Variants in PTAFR observed in about 807,000 individuals in gnomAD.
PTAFR encodes platelet activating factor receptor.
A neutral mutation model predicts 14.7 loss-of-function variants in PTAFR; 8 were observed. That is an observed-to-expected ratio of 0.54 (90% CI 0.32 to 0.98). The LOEUF (loss-of-function observed/expected upper bound fraction) is 0.98, where lower values mean the gene tolerates loss of function less well. Ranked by LOEUF, PTAFR falls within the 50% of genes least tolerant of loss-of-function variation. The pLI, the probability that PTAFR is intolerant of heterozygous loss-of-function variation, is 0.04. For synonymous variants in PTAFR, 156 were observed against 176.5 expected, an observed-to-expected ratio of 0.88 and a Z score of 0.92; for missense variants, 337 against 451.2, an observed-to-expected ratio of 0.75 and a Z score of 2.29.
intron 1 of PTAFR, among the ~76,000 whole-genome samples, chr1:28,190,406 C>T (rs1646642872): frequency 6.6e-6 from 1 of 152,138 alleles, no homozygotes; most frequent in Non-Finnish European, 1.5e-5. Context: ...ACACAGGAGG[C>T]TTCTATTACA....
At chr1:28,189,854 C>T (rs1646638060) in intron 1 of PTAFR, among the ~76,000 whole-genome samples, 1 of 151,838 alleles carries the variant, frequency 6.6e-6, no homozygotes, top group East Asian at 2.0e-4. Context: ...TTTGTAGAGA[C>T]AGGGTTTCAC....
chr1:28,164,007 G>A (rs1420593870), intron 1 of PTAFR, among the ~76,000 whole-genome samples: 1 of 152,254 alleles, frequency 6.6e-6, no homozygotes, highest in Non-Finnish European at 1.5e-5. Context: ...TCATGAGACA[G>A]AAGAATTCTG....
upstream of PTAFR, among the ~76,000 whole-genome samples, chr1:28,179,009 G>A (rs887215580): frequency 2.0e-5 from 3 of 151,482 alleles, no homozygotes; most frequent in African/African-American, 4.9e-5. Context: ...AAAAAAAAAA[G>A]AAAAGAAACA....
chr1:28,184,467 C>A (rs1337744218), intron 1 of PTAFR, among the ~76,000 whole-genome samples: 1 of 152,062 alleles, frequency 6.6e-6, no homozygotes, highest in Non-Finnish European at 1.5e-5. Context: ...CTGCTCAAAG[C>A]CCCCCAGGGC....
In PTAFR at chr1:28,149,868, C is replaced by T. The variant is rs1336501518; in HGVS notation, c.*125G>A. ...ATCATCCCTGCCCAGGTGAGGTAGCCTCCAAATCTAATGGCCCACCAGTGC... is the reference window on the plus strand; with the variant it reads ...ATCATCCCTGCCCAGGTGAGGTAGCTTCCAAATCTAATGGCCCACCAGTGC... On this transcript the variant is annotated 3_prime_UTR_variant, in exon 2 of 2. Transcript: ENST00000373857. 7.7e-7 allele frequency: 1 copy of T among 1,306,344 alleles called. No homozygotes were observed. Among genetic ancestry groups the T allele is most frequent in the Non-Finnish European group, 1.0e-6 (1 of 954,994 alleles). 80.9% of individuals were successfully genotyped at this position (1,306,344 alleles called of 1,614,324 possible). A position where few individuals can be genotyped will look rare whatever the true frequency, so the allele number is the denominator to read the frequency against.
At chr1:28,180,667 C>G (rs1195362877), upstream of PTAFR, among the ~76,000 whole-genome samples, 8 of 152,020 alleles carry the variant, frequency 5.3e-5, no homozygotes, top group Admixed American at 5.3e-4. Context: ...ACAGACATAC[C>G]TGAGAAAATC....
At position 28,182,510 on chromosome 1, in the gene PTAFR, C is replaced by T. The variant is rs1646570477; in HGVS notation, c.-39+11212G>A. Among the ~76,000 whole-genome samples, 3 of 151,554 alleles carry T rather than the reference C, an allele frequency of 2.0e-5. No homozygotes were observed. In the South Asian group the frequency reaches 6.3e-4, roughly 32 times the overall value. On this transcript the variant is annotated intron_variant, in intron 1 of 1. Coordinates refer to the PTAFR transcript ENST00000305392. The stretch of plus-strand genomic sequence containing the variant: ...ACAACATAGCCAGACTCCATCTTTA[C>T]AAAAACTTTTTAAAATTCGCTGCAG...
chr1:28,169,770 C>T (rs190945759), intron 1 of PTAFR, among the ~76,000 whole-genome samples: 75 of 152,226 alleles, frequency 4.9e-4, no homozygotes, highest in African/African-American at 1.8e-3. Context: ...GAGGCCAAGG[C>T]GGGCAGATCA....
chr1:28,180,921 G>A (rs991420084), upstream of PTAFR, among the ~76,000 whole-genome samples: 29 of 151,674 alleles, frequency 1.9e-4, no homozygotes, highest in African/African-American at 7.0e-4. Flanking sequence ...GGAGAGAGGG[G>A]AGAAATAGAA....
intron 1 of PTAFR, among the ~76,000 whole-genome samples, chr1:28,155,158 C>A (rs553806031): frequency 1.6e-4 from 25 of 152,244 alleles, no homozygotes; most frequent in East Asian, 1.9e-4. Flanking sequence ...CCACAATACC[C>A]ATCTTGCTGT....
chr1:28,183,355 G>A (rs896994571), intron 1 of PTAFR, among the ~76,000 whole-genome samples: 11 of 152,072 alleles, frequency 7.2e-5, no homozygotes, highest in African/African-American at 2.2e-4. Context: ...ATAAAATAAC[G>A]AGCTATTGCC....
upstream of PTAFR, among the ~76,000 whole-genome samples, chr1:28,178,820 G>A (rs187028364): frequency 3.3e-3 from 495 of 151,906 alleles, 1 homozygote; most frequent in Non-Finnish European, 5.6e-3. Flanking sequence ...GAGTTCATGC[G>A]TCCATACTGC....
At chr1:28,165,265 C>G in intron 1 of PTAFR, among the ~76,000 whole-genome samples, 1 of 151,122 alleles carries the variant, frequency 6.6e-6, no homozygotes, top group Non-Finnish European at 1.5e-5. Flanking sequence ...ATTAGCTGGG[C>G]GTGGTGGCGC....
chr1:28,154,212 C>T (rs1404455249), intron 1 of PTAFR, among the ~76,000 whole-genome samples: 1 of 151,830 alleles, frequency 6.6e-6, no homozygotes, highest in Non-Finnish European at 1.5e-5. Context: ...CACACAAACA[C>T]TTTGCCATAG....
chr1:28,176,318 C>T (rs578195553), intron 1 of PTAFR, among the ~76,000 whole-genome samples: 31 of 151,940 alleles, frequency 2.0e-4, no homozygotes, highest in Non-Finnish European at 4.1e-4. Context: ...TAGAGCATGC[C>T]TCTAGTCCCA....
At chr1:28,180,250 C>T (rs1253503770), upstream of PTAFR, among the ~76,000 whole-genome samples, 7 of 152,104 alleles carry the variant, frequency 4.6e-5, no homozygotes, top group East Asian at 1.3e-3. Flanking sequence ...CATGGTGGCT[C>T]ACGCCTGTAA....
intron 1 of PTAFR, among the ~76,000 whole-genome samples, chr1:28,171,024 A>T (rs1572041309): frequency 6.7e-6 from 1 of 150,176 alleles, no homozygotes; most frequent in Non-Finnish European, 1.5e-5. Flanking sequence ...TAATAAATAA[A>T]TAATTAATAC....
At position 28,150,390 on chromosome 1, in the gene PTAFR, CG is replaced by C; in HGVS notation, c.631del (p.Arg211ValfsTer78). On this transcript the variant is annotated frameshift_variant, in exon 2 of 2. Transcript: ENST00000373857. LOFTEE classifies it high-confidence loss of function. The surrounding 1 kb of genome is among the most constrained non-coding windows in gnomAD (Gnocchi z 6.3). ...CTGCACCGGCTGCATGAGCAAGGTA[CG>C]GATGATGACCAGGTTGCAGAAGAGG... ...IILFCNLVII[R>X]TLLMQPVQQQ... 1 of 1,613,866 alleles carries C rather than the reference CG, an allele frequency of 6.2e-7. No homozygotes were observed.
upstream of PTAFR, among the ~76,000 whole-genome samples, chr1:28,179,254 C>G (rs1047073928): frequency 1.3e-5 from 2 of 152,166 alleles, no homozygotes; most frequent in Non-Finnish European, 1.5e-5. Context: ...GAGGGACCTC[C>G]GGGATCAACC....
Sources: gnomAD v4.1 joint callset for allele counts (sites outside exome capture counted in the v4.1 genomes callset) on GRCh38, gnomAD v4.1.1 for gene constraint, Gnocchi (gnomAD v3.1) non-coding constraint, MANE v1.5 for transcripts, NCBI Gene and HGNC (gene_info 2026-07-23, HGNC 2026-07-21) for gene names.